Variants in RAD50 observed in about 807,000 individuals in gnomAD.
RAD50 encodes the protein DNA repair protein RAD50.
In RAD50, 132 loss-of-function variants were observed where a neutral mutation model predicts 168.8. The observed-to-expected ratio is 0.78, with a 90% confidence interval of 0.68 to 0.90. RAD50 has a LOEUF of 0.90. Among genes scored for constraint, RAD50 ranks in the 40% least tolerant of loss-of-function variants. The pLI is 0.00. For missense variants in RAD50, 1,347 were observed against 1,534.4 expected, an observed-to-expected ratio of 0.88 and a Z score of 2.04; for synonymous variants, 525 against 497.4, an observed-to-expected ratio of 1.06 and a Z score of -0.74.
chr5:132,560,095 T>G (rs1185030215), intron 2 of RAD50, among the ~76,000 whole-genome samples: 1 of 151,972 alleles, frequency 6.6e-6, no homozygotes, highest in Non-Finnish European at 1.5e-5. Context: ...TATAGTTTAT[T>G]CGTTTTTAGT....
intron 11 of RAD50, among the ~76,000 whole-genome samples, chr5:132,594,531 G>T (rs1750755528): frequency 6.6e-6 from 1 of 152,154 alleles, no homozygotes; most frequent in Non-Finnish European, 1.5e-5. Flanking sequence ...GAATTACGGG[G>T]ATGTTCTCTT....
At chr5:132,585,975 CAGG>C (rs1750589409) in intron 5 of RAD50, among the ~76,000 whole-genome samples, 1 of 152,112 alleles carries the variant, frequency 6.6e-6, no homozygotes, top group Non-Finnish European at 1.5e-5. Flanking sequence ...TTTCAGAGGA[CAGG>C]AGTTTTAAAT....
In RAD50 at chr5:132,608,676, A is replaced by C. The variant is rs748077241; in HGVS notation, c.2780A>C (p.Glu927Ala). 5 of 1,600,504 alleles carry C rather than the reference A, an allele frequency of 3.1e-6. No individual in the cohort carries two copies. In the African/African-American group the frequency reaches 5.4e-5, roughly 17 times the overall value. Residue 927 changes from glutamate to alanine, a missense_variant, in exon 17 of 25, where the codon GAA (glutamate) becomes GCA (alanine). Physicochemically the swap from Glu to Ala is moderately radical, Grantham distance 107. Around this residue, in one of 3 missense-constraint regions of RAD50, gnomAD observed 635 missense variants for 739.2 expected, o/e 0.86. Coordinates refer to ENST00000378823, the MANE Select transcript of RAD50 (RefSeq NM_005732.4). ...TTGGAAAAGTTCCAGCAAGAAAAAG[A>C]AGAATTAATCAACAAAAAAAATACA... is the stretch of plus-strand genomic sequence containing the variant. ...TTLEKFQQEK[E>A]ELINKKNTSN...
At chr5:132,622,388 G>A (rs1366346094) in intron 21 of RAD50, among the ~76,000 whole-genome samples, 1 of 152,024 alleles carries the variant, frequency 6.6e-6, no homozygotes, top group Non-Finnish European at 1.5e-5. Context: ...TGAACTCCTG[G>A]CCTCAAGCGA....
In RAD50 at chr5:132,638,253, C is replaced by T. The variant is rs746615388; in HGVS notation, c.3618+30C>T. On this transcript the variant is annotated intron_variant, in intron 23 of 24. Transcript: ENST00000378823. ...GTATCTCAAAAGCCTGGGGAGCCAA[C>T]TCACCCAAGTAACTGAAAGAGAGAA... The T allele has an allele frequency of 1.8e-5, 29 of 1,613,174 alleles. No individual in the cohort carries two copies. The Middle Eastern group carries it at 9.9e-4, about 55-fold the overall frequency.
At chr5:132,618,630 G>A (rs1175430608) in intron 21 of RAD50, among the ~76,000 whole-genome samples, 4 of 152,074 alleles carry the variant, frequency 2.6e-5, no homozygotes, top group Non-Finnish European at 4.4e-5. Flanking sequence ...CACCCGCCTC[G>A]GCCTCCCAAA....
In RAD50 at chr5:132,604,049, A is replaced by T. The variant is rs1339706998; in HGVS notation, c.2524+3A>T. On this transcript the variant is annotated splice_donor_region_variant and intron_variant, in intron 15 of 24. Coordinates refer to ENST00000378823, the MANE Select transcript of RAD50 (RefSeq NM_005732.4). ...GAAACAGCACAAGTTAGACACAGGT[A>T]ATACAGTCTGTGTCCTTCTGTACTC... 6.2e-7 allele frequency: 1 copy of T among 1,613,174 alleles called. No homozygotes were observed. Among genetic ancestry groups the T allele is most frequent in the African/African-American group, 1.3e-5 (1 of 74,890 alleles).
rs1750568160 is a variant in RAD50 at position 132,584,916 on chromosome 5, A to T, written c.757-2646A>T. On this transcript the variant is annotated intron_variant, in intron 5 of 24. Transcript: ENST00000378823. ...ACAATGAGAACACTTGGACAGACAC[A>T]GGAAGGGGAACATCACACACTGGGT... 2.4e-5 allele frequency among the ~76,000 whole-genome samples: 3 copies of T among 127,504 alleles called. No individual in the cohort carries two copies. In the South Asian group the frequency reaches 8.2e-4, roughly 35 times the overall value. The allele number at this position is 127,504 out of a possible 152,430, so 83.6% of individuals were successfully genotyped here. A position where few individuals can be genotyped will look rare whatever the true frequency, so the allele number is the denominator to read the frequency against.
rs1241585124 is a variant in RAD50, at chr5:132,603,972, A to G, written c.2450A>G (p.Gln817Arg). ...RKIAQQAAKL[Q>R]GIDLDRTVQQ... is the part of the protein sequence containing the mutation. ...ATTGCACAACAAGCAGCTAAGCTAC[A>G]AGGAATAGACTTAGATCGAACTGTC... The change falls in exon 15 of 25, where the codon CAA (glutamine) becomes CGA (arginine). Residue 817 changes from glutamine (Q) to arginine (R), a missense_variant. Physicochemically the swap from Gln to Arg is conservative, Grantham distance 43. Coordinates refer to ENST00000378823, the MANE Select transcript of RAD50 (RefSeq NM_005732.4). 4 of 1,612,566 alleles carry G rather than the reference A, an allele frequency of 2.5e-6. No homozygotes were observed. The highest frequency in any genetic ancestry group is 3.3e-5 in the Admixed American group (2 of 59,996).
chr5:132,604,698 A>G, intron 15 of RAD50, 108 bp from the exon 16 acceptor site: 1 of 969,178 alleles, frequency 1.0e-6, no homozygotes, highest in Non-Finnish European at 1.6e-6. Flanking sequence ...TGGGGCCCAC[A>G]GAAATAGCAT....
intron 3 of RAD50, 108 bp downstream of exon 3, chr5:132,576,036 TC>T: frequency 8.6e-7 from 1 of 1,161,222 alleles, no homozygotes; most frequent in South Asian, 1.7e-5. Context: ...TAAATTTTTT[TC>T]AATAGACTTT....
intron 2 of RAD50, among the ~76,000 whole-genome samples, chr5:132,562,526 G>T (rs1026159360): frequency 1.3e-5 from 2 of 152,130 alleles, no homozygotes; most frequent in African/African-American, 4.8e-5. Flanking sequence ...AAAGTTTTTG[G>T]CTTGAACAAC....
At chr5:132,619,212 G>C (rs936211193) in intron 21 of RAD50, among the ~76,000 whole-genome samples, 1 of 152,184 alleles carries the variant, frequency 6.6e-6, no homozygotes, top group African/African-American at 2.4e-5. Context: ...ATTTGTGGGA[G>C]TGCATTGTGG....
chr5:132,596,049 G>A (rs1332696523), intron 13 of RAD50, among the ~76,000 whole-genome samples: 2 of 151,494 alleles, frequency 1.3e-5, no homozygotes, highest in African/African-American at 2.4e-5. Context: ...CTAAGCTGGA[G>A]TGCAGTGGCA....
At position 132,613,618 on chromosome 5, in the gene RAD50, A is replaced by T. The variant is rs867716105; in HGVS notation, c.3037-2385A>T. On this transcript the variant is annotated intron_variant, in intron 19 of 24. Coordinates refer to ENST00000378823, the MANE Select transcript of RAD50 (RefSeq NM_005732.4). ...TCTTTTTTTTTTTTTTTTTTTTTTT[A>T]AATTAGATGGAGTCTTGCTCTCTCA... Among the ~76,000 whole-genome samples, 531 of 62,104 alleles carry T rather than the reference A, an allele frequency of 8.6e-3. 3 individuals carry two copies. Among genetic ancestry groups the T allele is most frequent in the African/African-American group, 0.051 (453 of 8,832 alleles). The allele number at this position is 62,104 out of a possible 152,430, so 40.7% of individuals were successfully genotyped here.
chr5:132,624,706 C>T (rs2149856786), intron 21 of RAD50, among the ~76,000 whole-genome samples: 1 of 152,022 alleles, frequency 6.6e-6, no homozygotes, highest in South Asian at 2.1e-4. Context: ...TGAGACCAAC[C>T]TGGGCAACAT....
intron 10 of RAD50, 137 bp from the exon 11 acceptor site, chr5:132,591,740 T>C (rs1415051286): frequency 5.6e-6 from 4 of 709,102 alleles, no homozygotes; most frequent in Non-Finnish European, 8.8e-6. Context: ...TTAAGAACTT[T>C]AAGAAATTTT....
Position 132,644,321 on chromosome 5 carries a change from A to G in RAD50, c.*1957A>G, listed in dbSNP as rs1353277927. The G allele has an allele frequency of 5.2e-5, 9 of 171,920 alleles. No homozygotes were observed. The highest frequency in any genetic ancestry group is 2.1e-4 in the African/African-American group (9 of 42,030). 10.6% of individuals were successfully genotyped at this position (171,920 alleles called of 1,614,324 possible). A position where few individuals can be genotyped will look rare whatever the true frequency, so the allele number is the denominator to read the frequency against. Reference sequence around the variant, plus strand: ...TTTCTGGCTTCTCATTGCTGCTTCTAGATCAGTCTCCAAATATCCCCCTTC... The same window carrying G: ...TTTCTGGCTTCTCATTGCTGCTTCTGGATCAGTCTCCAAATATCCCCCTTC... On this transcript the variant is annotated 3_prime_UTR_variant, in exon 25 of 25. Coordinates refer to ENST00000378823, the MANE Select transcript of RAD50 (RefSeq NM_005732.4).
chr5:132,580,034 A>C lies in RAD50; in HGVS notation c.724A>C (p.Lys242Gln). 6.2e-7 allele frequency: 1 copy of C among 1,612,970 alleles called. No homozygotes were observed. The highest frequency in any genetic ancestry group is 1.7e-5 in the Admixed American group (1 of 60,026). ...GTTAACATCTTCAAAGGAAATTGTC[A>C]AATCCTATGAGAATGAACTTGATCC... is the stretch of plus-strand genomic sequence containing the variant. ...AQLTSSKEIV[K>Q]SYENELDPLK... Residue 242 changes from lysine (K) to glutamine (Q), a missense_variant, in exon 5 of 25, where the codon AAA becomes CAA. Transcript: ENST00000378823.
Sources: allele counts gnomAD v4.1 joint callset (sites outside exome capture counted in the v4.1 genomes callset), GRCh38; gene constraint gnomAD v4.1.1; regional missense constraint gnomAD v4.1.1; transcripts MANE v1.5; gene names NCBI Gene and HGNC (gene_info 2026-07-23, HGNC 2026-07-21).